Variants in CDH12 observed in about 807,000 individuals in gnomAD.
The protein encoded by CDH12 is cadherin 12, also known as cadherin-12.
In CDH12, 41 loss-of-function variants were observed where a neutral mutation model predicts 74.1. That is an observed-to-expected ratio of 0.55 (90% CI 0.43 to 0.72). CDH12 has a LOEUF of 0.72. Ranked by LOEUF, CDH12 falls within the 30% of genes least tolerant of loss-of-function variation. The pLI is 0.00. For synonymous variants in CDH12, 399 were observed against 355.0 expected, an observed-to-expected ratio of 1.12 and a Z score of -1.39; for missense variants, 945 against 977.2, an observed-to-expected ratio of 0.97 and a Z score of 0.44.
intron 1 of CDH12, among the ~76,000 whole-genome samples, chr5:22,751,670 G>T (rs1027334558): frequency 6.6e-6 from 1 of 152,030 alleles, no homozygotes; most frequent in Non-Finnish European, 1.5e-5. Context: ...TGTAGCTGCC[G>T]CAAAACTGTT....
chr5:22,495,107 G>C (rs536514693), intron 2 of CDH12, among the ~76,000 whole-genome samples: 1 of 152,118 alleles, frequency 6.6e-6, no homozygotes, highest in African/African-American at 2.4e-5. Context: ...GACCCCACGG[G>C]TATACAGGAC....
chr5:22,449,016 G>T (rs1290450583), intron 2 of CDH12, among the ~76,000 whole-genome samples: 3 of 151,422 alleles, frequency 2.0e-5, no homozygotes, highest in Non-Finnish European at 4.4e-5. Flanking sequence ...ACTTTAAAAA[G>T]AACCAATAAA....
chr5:22,593,267 T>C lies in CDH12; in HGVS notation c.-522-87903A>G, dbSNP rs1736435525. On this transcript the variant is annotated intron_variant, in intron 1 of 14. Coordinates refer to ENST00000382254, the MANE Select transcript of CDH12 (RefSeq NM_004061.5). ...CTCTCTCAACCATGTTAACAAATCC[T>C]AAATTTGTATATTTGGCCTAATTTT... 2.0e-5 allele frequency among the ~76,000 whole-genome samples: 3 copies of C among 152,046 alleles called. No homozygotes were observed. In the South Asian group the frequency reaches 6.2e-4, roughly 31 times the overall value.
chr5:21,764,951 A>G, intron 12 of CDH12, 27 bp downstream of exon 12: 1 of 1,612,134 alleles, frequency 6.2e-7, no homozygotes, highest in Non-Finnish European at 8.5e-7. Flanking sequence ...GTCTTTATAC[A>G]CTCAAGGAAC....
At chr5:22,470,850 C>A (rs1229409438) in intron 2 of CDH12, among the ~76,000 whole-genome samples, 1 of 123,110 alleles carries the variant, frequency 8.1e-6, no homozygotes, top group Non-Finnish European at 1.6e-5. Flanking sequence ...ACTCTCCTGG[C>A]AAAACCTTAG....
intron 5 of CDH12, among the ~76,000 whole-genome samples, chr5:21,975,604 A>G (rs528857902): frequency 6.6e-6 from 1 of 152,318 alleles, no homozygotes; most frequent in South Asian, 2.1e-4. Context: ...CTGTGCGATG[A>G]ACGCATATAT....
At chr5:22,531,281 T>C (rs1278431823) in intron 1 of CDH12, among the ~76,000 whole-genome samples, 2 of 151,786 alleles carry the variant, frequency 1.3e-5, no homozygotes, top group Non-Finnish European at 2.9e-5. Context: ...GAGATTAGAG[T>C]TTTCACAGAT....
chr5:22,136,486 T>C (rs1221369103), intron 4 of CDH12, among the ~76,000 whole-genome samples: 2 of 151,934 alleles, frequency 1.3e-5, no homozygotes, highest in African/African-American at 2.4e-5. Context: ...TCTCACAATA[T>C]GTATACCCAC....
At chr5:22,689,552 T>C (rs766832049) in intron 1 of CDH12, among the ~76,000 whole-genome samples, 2 of 152,136 alleles carry the variant, frequency 1.3e-5, no homozygotes, top group African/African-American at 4.8e-5. Flanking sequence ...AACTAGGAAG[T>C]TGACCCATAT....
intron 1 of CDH12, among the ~76,000 whole-genome samples, chr5:22,684,196 A>G (rs1380674724): frequency 2.6e-5 from 4 of 152,194 alleles, no homozygotes; most frequent in Admixed American, 6.5e-5. Flanking sequence ...TAGTAGGTGT[A>G]TAAATTTATG....
At chr5:22,702,331 A>G (rs1221929115) in intron 1 of CDH12, among the ~76,000 whole-genome samples, 2 of 152,140 alleles carry the variant, frequency 1.3e-5, no homozygotes, top group South Asian at 2.1e-4. Context: ...CGTCACCCAT[A>G]TACAGGTAGG....
chr5:22,836,754 C>A (rs1328207421), intron 1 of CDH12, among the ~76,000 whole-genome samples: 1 of 152,076 alleles, frequency 6.6e-6, no homozygotes, highest in East Asian at 1.9e-4. Flanking sequence ...ACAGCGAATT[C>A]TGAAAACTAA....
intron 8 of CDH12, among the ~76,000 whole-genome samples, chr5:21,821,533 A>T (rs1193322295): frequency 6.6e-6 from 1 of 151,624 alleles, no homozygotes; most frequent in Non-Finnish European, 1.5e-5. Context: ...AAAGTTACTT[A>T]AAAAAAAGGA....
intron 6 of CDH12, among the ~76,000 whole-genome samples, chr5:21,923,714 G>A (rs375439589): frequency 6.6e-6 from 1 of 152,066 alleles, no homozygotes; most frequent in African/African-American, 2.4e-5. Flanking sequence ...TTTTTAATAA[G>A]TTTTGGGTGT....
intron 1 of CDH12, among the ~76,000 whole-genome samples, chr5:22,550,408 C>A (rs1738515838): frequency 1.3e-5 from 2 of 152,118 alleles, no homozygotes; most frequent in South Asian, 4.1e-4. Context: ...CCTATTTTCC[C>A]ACAGAAACCT....
At chr5:22,087,902 G>A (rs545373355) in intron 4 of CDH12, among the ~76,000 whole-genome samples, 2 of 152,190 alleles carry the variant, frequency 1.3e-5, no homozygotes, top group South Asian at 4.1e-4. Flanking sequence ...GATTGATGGT[G>A]AGCTGCTCAG....
intron 6 of CDH12, among the ~76,000 whole-genome samples, chr5:21,912,255 G>A (rs1753888836): frequency 6.6e-6 from 1 of 151,174 alleles, no homozygotes; most frequent in Non-Finnish European, 1.5e-5. Flanking sequence ...TGTGCTTTCT[G>A]AATGAAAACA....
chr5:22,275,851 G>GA (rs1353786453), intron 3 of CDH12, among the ~76,000 whole-genome samples: 4 of 152,066 alleles, frequency 2.6e-5, no homozygotes, highest in African/African-American at 9.7e-5. Context: ...TCTGAAGGTA[G>GA]AAAAAACCTC....
chr5:22,017,226 GA>G (rs1268685374), intron 5 of CDH12, among the ~76,000 whole-genome samples: 2 of 151,984 alleles, frequency 1.3e-5, no homozygotes, highest in East Asian at 3.9e-4. Flanking sequence ...AGACCACCCT[GA>G]AGGCTTACAA....
Sources: allele counts gnomAD v4.1 joint callset (sites outside exome capture counted in the v4.1 genomes callset), GRCh38; gene constraint gnomAD v4.1.1; transcripts MANE v1.5; gene names NCBI Gene and HGNC (gene_info 2026-07-23, HGNC 2026-07-21).